Variants in COL4A6 observed in about 807,000 individuals in gnomAD.
The protein encoded by COL4A6 is collagen alpha-6(IV) chain.
COL4A6 carries 59 observed loss-of-function variants against 126.7 expected under a neutral mutation model. The observed-to-expected ratio is 0.47, with a 90% confidence interval of 0.38 to 0.58. The LOEUF (loss-of-function observed/expected upper bound fraction) is 0.58, where lower values mean the gene tolerates loss of function less well. COL4A6 is among the 20% of genes least tolerant of loss of function. The probability of loss-of-function intolerance (pLI) is 0.00; values close to 1 mark genes in which losing one functional copy is unlikely to be tolerated. For synonymous variants in COL4A6, 547 were observed against 496.6 expected (o/e 1.10, Z -1.35); for missense variants, 1,285 against 1,337.3 (o/e 0.96, Z 0.61).
At chrX:108,322,817 C>T (rs775231562) in intron 2 of COL4A6, among the ~76,000 whole-genome samples, 41 of 111,712 alleles carry the variant, frequency 3.7e-4, no homozygotes, top group Middle Eastern at 4.6e-3. Context: ...AGAAAAACCA[C>T]AAGTAACTTT....
intron 3 of COL4A6, among the ~76,000 whole-genome samples, chrX:108,255,798 A>C (rs2036987561): frequency 1.8e-5 from 2 of 111,611 alleles, no homozygotes; most frequent in African/African-American, 6.5e-5. Flanking sequence ...GTGCTATAAC[A>C]ACATATACCT....
chrX:108,292,444 A>G (rs1350981066), intron 3 of COL4A6, among the ~76,000 whole-genome samples: 1 of 112,159 alleles, frequency 8.9e-6, no homozygotes, highest in Non-Finnish European at 1.9e-5. Context: ...CCTCTTAGAA[A>G]GATTGTTATC....
chrX:108,181,855 C>A (rs1602743419), intron 23 of COL4A6, among the ~76,000 whole-genome samples: 1 of 112,199 alleles, frequency 8.9e-6, no homozygotes, highest in Admixed American at 9.4e-5. Context: ...TTAAATAAGC[C>A]TTGCCTATTC....
chrX:108,438,613 T>A (rs906458793), upstream of COL4A6, among the ~76,000 whole-genome samples: 4 of 112,362 alleles, frequency 3.6e-5, no homozygotes, highest in Admixed American at 9.4e-5. Flanking sequence ...CCTAAGCAAC[T>A]GTGCATCATA....
chrX:108,403,270 CT>C (rs2041133355), intron 2 of COL4A6, among the ~76,000 whole-genome samples: 7 of 96,034 alleles, frequency 7.3e-5, no homozygotes, highest in East Asian at 3.1e-4. Context: ...CTCTCTCTCT[CT>C]CTCTCTCTCT....
intron 3 of COL4A6, among the ~76,000 whole-genome samples, chrX:108,247,212 C>T (rs2036738632): frequency 9.0e-6 from 1 of 111,188 alleles, no homozygotes; most frequent in South Asian, 3.9e-4. Flanking sequence ...CTGATCCTTC[C>T]TAGCCTGTGA....
At chrX:108,355,324 C>T (rs1221304723) in intron 2 of COL4A6, among the ~76,000 whole-genome samples, 2 of 112,210 alleles carry the variant, frequency 1.8e-5, no homozygotes, top group African/African-American at 3.2e-5. Context: ...TTTTTATAAT[C>T]CAAAATATAC....
intron 40 of COL4A6, among the ~76,000 whole-genome samples, chrX:108,164,161 G>A (rs1216801056): frequency 8.9e-6 from 1 of 111,997 alleles, no homozygotes; most frequent in East Asian, 2.8e-4. Context: ...TGGATCTGGG[G>A]GTAGCAACCA....
chrX:108,342,957 T>C (rs764803097), intron 2 of COL4A6, among the ~76,000 whole-genome samples: 1 of 109,264 alleles, frequency 9.2e-6, no homozygotes, highest in African/African-American at 3.3e-5. Context: ...CTTGGCCTCA[T>C]GGAACTTACA....
intron 3 of COL4A6, among the ~76,000 whole-genome samples, chrX:108,272,442 C>A (rs1263840961): frequency 9.0e-6 from 1 of 111,448 alleles, no homozygotes; most frequent in African/African-American, 3.3e-5. Context: ...TTACTCAAAC[C>A]ACTTCCTTTG....
chrX:108,190,484 T>A lies in COL4A6; in HGVS notation c.1334A>T (p.Glu445Val). The A allele has an allele frequency of 8.4e-7, 1 of 1,189,498 alleles. No homozygotes were observed. Among genetic ancestry groups the A allele is most frequent in the Non-Finnish European group, 1.1e-6 (1 of 877,757 alleles). The part of the protein sequence containing the change: ...GPPGPPSPEF[E>V]TETLHNKESG... Reference sequence around the variant, plus strand: ...CTCTTTGTTGTGTAGAGTTTCAGTCTCAAATTCTGGACCTTTGGGTAAAAA... The same window carrying A: ...CTCTTTGTTGTGTAGAGTTTCAGTCACAAATTCTGGACCTTTGGGTAAAAA... The change falls in exon 20 of 45, where the codon GAG becomes GTG. Residue 445 changes from glutamate to valine, a missense_variant. Physicochemically the swap from Glu to Val is moderately radical, Grantham distance 121. Transcript: ENST00000334504.
intron 2 of COL4A6, among the ~76,000 whole-genome samples, chrX:108,403,974 T>C (rs2041150350): frequency 2.7e-5 from 3 of 111,684 alleles, no homozygotes; most frequent in Non-Finnish European, 5.6e-5. Flanking sequence ...CCTGATTTAA[T>C]AAGGGGGTCT....
intron 2 of COL4A6, among the ~76,000 whole-genome samples, chrX:108,391,237 G>A (rs1044818386): frequency 2.7e-5 from 3 of 112,031 alleles, no homozygotes; most frequent in Non-Finnish European, 3.8e-5. Context: ...TGGGAGAACC[G>A]CTGCTCTCTT....
At chrX:108,212,416 T>C (rs946746196) in intron 6 of COL4A6, among the ~76,000 whole-genome samples, 4 of 111,177 alleles carry the variant, frequency 3.6e-5, no homozygotes, top group African/African-American at 9.8e-5. Flanking sequence ...AGTACACAAT[T>C]CCAATCTTTC....
At chrX:108,406,448 T>G (rs748757071) in intron 2 of COL4A6, among the ~76,000 whole-genome samples, 1 of 112,359 alleles carries the variant, frequency 8.9e-6, no homozygotes, top group South Asian at 3.7e-4. Context: ...ACATGATACA[T>G]TTCAGGCTTT....
chrX:108,342,835 G>C (rs1196626791), intron 2 of COL4A6, among the ~76,000 whole-genome samples: 1 of 109,769 alleles, frequency 9.1e-6, no homozygotes, highest in Non-Finnish European at 1.9e-5. Context: ...TAGTTTAAGG[G>C]TAAGTAAAAA....
intron 41 of COL4A6, 35 bp downstream of exon 41, chrX:108,162,857 C>T (rs776121057): frequency 3.0e-5 from 34 of 1,119,887 alleles, no homozygotes; most frequent in Admixed American, 1.3e-4. Context: ...GTCTCAACTC[C>T]CCAACAAATC....
intron 3 of COL4A6, among the ~76,000 whole-genome samples, chrX:108,280,183 C>CA (rs1336181101): frequency 9.0e-6 from 1 of 111,105 alleles, no homozygotes; most frequent in Non-Finnish European, 1.9e-5. Flanking sequence ...AAAAACCCTT[C>CA]AAAAAATTAA....
At chrX:108,328,666 C>T (rs191472698) in intron 2 of COL4A6, among the ~76,000 whole-genome samples, 1 of 111,527 alleles carries the variant, frequency 9.0e-6, no homozygotes, top group East Asian at 2.8e-4. Context: ...GGAGATGCCT[C>T]AAAAAATTAG....
Sources: gnomAD v4.1 joint callset for allele counts (sites outside exome capture counted in the v4.1 genomes callset) on GRCh38, gnomAD v4.1.1 for gene constraint, MANE v1.5 for transcripts, NCBI Gene and HGNC (gene_info 2026-07-23, HGNC 2026-07-21) for gene names.